The following TXNDC16 variants were observed in gnomAD, a reference collection of about 807,000 sequenced individuals.
The protein encoded by TXNDC16 is thioredoxin domain containing 16, also known as thioredoxin domain-containing protein 16.
In TXNDC16, 74 loss-of-function variants were observed where a neutral mutation model predicts 85.6. The observed-to-expected ratio is 0.86, with a 90% CI of 0.72 to 1.05. The LOEUF (loss-of-function observed/expected upper bound fraction) is 1.05, where lower values mean the gene tolerates loss of function less well. Ranked by LOEUF, TXNDC16 falls within the 50% of genes least tolerant of loss-of-function variation. The probability of loss-of-function intolerance (pLI) is 0.00; values close to 1 mark genes in which losing one functional copy is unlikely to be tolerated. For missense variants in TXNDC16, 959 were observed against 947.0 expected (o/e 1.01, Z -0.17); for synonymous variants, 335 against 326.5 (o/e 1.03, Z -0.28).
At chr14:52,547,228 T>G in intron 1 of TXNDC16, among the ~76,000 whole-genome samples, 1 of 152,188 alleles carries the variant, frequency 6.6e-6, no homozygotes, top group East Asian at 1.9e-4. Context: ...GGCCATATGC[T>G]CCAAAGCCAA....
chr14:52,476,112 A>G (rs2036014983), intron 14 of TXNDC16, among the ~76,000 whole-genome samples: 1 of 152,218 alleles, frequency 6.6e-6, no homozygotes, highest in African/African-American at 2.4e-5. Flanking sequence ...AGGAAGCCAC[A>G]TCCCTAGGAA....
At chr14:52,542,118 A>G (rs1302983889) in intron 4 of TXNDC16, among the ~76,000 whole-genome samples, 1 of 152,176 alleles carries the variant, frequency 6.6e-6, no homozygotes, top group Non-Finnish European at 1.5e-5. Flanking sequence ...CATGGGCCCA[A>G]TAGAATGGTT....
At chr14:52,544,195 C>T (rs2037893855) in intron 2 of TXNDC16, 69 bp downstream of exon 2, 1 of 152,052 alleles carries the variant, frequency 6.6e-6, no homozygotes, top group Admixed American at 6.6e-5. Flanking sequence ...TACTTTAATT[C>T]AATTCTATGT....
chr14:52,463,027 TCTGAA>T (rs1280288074), intron 16 of TXNDC16: 4 of 453,370 alleles, frequency 8.8e-6, no homozygotes, highest in Non-Finnish European at 1.8e-5. Flanking sequence ...CCTGCAAATT[TCTGAA>T]AGCTGAAGTT....
At chr14:52,530,442 ATATTAT>A (rs2037513702) in intron 6 of TXNDC16, among the ~76,000 whole-genome samples, 1 of 16,584 alleles carries the variant, frequency 6.0e-5, no homozygotes, top group African/African-American at 3.2e-4. Flanking sequence ...AATATATAAT[ATATTAT>A]TATATAATAA....
At chr14:52,528,339 T>G (rs1851351145) in intron 6 of TXNDC16, among the ~76,000 whole-genome samples, 1 of 152,132 alleles carries the variant, frequency 6.6e-6, no homozygotes, top group South Asian at 2.1e-4. Context: ...ACGCAGGCTT[T>G]TAGTTCATAG....
intron 8 of TXNDC16, 21 bp from the exon 9 acceptor site, chr14:52,511,411 A>C (rs1459204992): frequency 6.5e-7 from 1 of 1,527,246 alleles, no homozygotes. Flanking sequence ...AAAATTAATT[A>C]ACTTAATGAA....
chr14:52,469,768 G>GC (rs1227088246), intron 16 of TXNDC16, among the ~76,000 whole-genome samples: 1 of 151,842 alleles, frequency 6.6e-6, no homozygotes, highest in African/African-American at 2.4e-5. Context: ...CAAAAAAAAC[G>GC]CAAGATTCTA....
intron 14 of TXNDC16, 67 bp downstream of exon 14, chr14:52,482,163 G>T: frequency 1.4e-6 from 2 of 1,392,228 alleles, no homozygotes; most frequent in South Asian, 1.4e-5. Flanking sequence ...TTTTTTGCAT[G>T]ACATAGTTTT....
chr14:52,488,670 C>A (rs1211072425), intron 11 of TXNDC16, among the ~76,000 whole-genome samples, 184 bp from the exon 12 acceptor site: 1 of 151,572 alleles, frequency 6.6e-6, no homozygotes, highest in Non-Finnish European at 1.5e-5. Context: ...ACTGTCTCTA[C>A]TAAAAATACA....
chr14:52,547,154 C>T (rs1160530564), intron 1 of TXNDC16, among the ~76,000 whole-genome samples: 2 of 152,130 alleles, frequency 1.3e-5, no homozygotes, highest in African/African-American at 4.8e-5. Context: ...AATCCTTAGG[C>T]CCCCACCCGT....
At chr14:52,535,688 A>G (rs2037683718) in intron 6 of TXNDC16, among the ~76,000 whole-genome samples, 2 of 152,286 alleles carry the variant, frequency 1.3e-5, no homozygotes, top group East Asian at 1.9e-4. Context: ...TGGACCCCAG[A>G]TAGACCTAAA....
At chr14:52,464,806 G>T (rs1480108456) in intron 16 of TXNDC16, among the ~76,000 whole-genome samples, 3 of 152,062 alleles carry the variant, frequency 2.0e-5, no homozygotes, top group Non-Finnish European at 4.4e-5. Flanking sequence ...GCTGCTGCAT[G>T]GCACATGTCT....
intron 4 of TXNDC16, among the ~76,000 whole-genome samples, chr14:52,539,966 G>A (rs747935777): frequency 5.3e-5 from 8 of 151,764 alleles, no homozygotes; most frequent in East Asian, 1.9e-4. Flanking sequence ...TGTACTTTAC[G>A]TTTTTTTTCT....
rs113746978 is a variant in TXNDC16 at position 52,470,113 on chromosome 14, A to G, written c.1542T>C (p.Ser514=). 6.3e-4 allele frequency: 1,014 copies of G among 1,610,906 alleles called. 7 individuals are homozygous for G. The African/African-American group carries it at 0.011, about 18-fold the overall frequency. ...TSIQEAEEYL[S]GELYKDLILY... Reference sequence around the variant, plus strand: ...AGATGAGGTCTTTATATAATTCCCCACTTAAATATTCTTCTGCTTCTTGGA... The same window carrying G: ...AGATGAGGTCTTTATATAATTCCCCGCTTAAATATTCTTCTGCTTCTTGGA... The change falls in exon 16 of 21, where the codon AGT becomes AGC. Residue 514 remains serine, a synonymous_variant. Transcript: ENST00000281741.
chr14:52,531,226 C>A (rs1384862215), intron 6 of TXNDC16, among the ~76,000 whole-genome samples: 1 of 152,018 alleles, frequency 6.6e-6, no homozygotes, highest in Admixed American at 6.6e-5. Flanking sequence ...GGTGGGAATG[C>A]GAAATGGTAC....
At chr14:52,435,065 T>C (rs2034994486) in intron 20 of TXNDC16, among the ~76,000 whole-genome samples, 1 of 152,182 alleles carries the variant, frequency 6.6e-6, no homozygotes, top group Non-Finnish European at 1.5e-5. Context: ...GATAATACAT[T>C]AGAGTTTATA....
chr14:52,443,393 C>T (rs918887015), intron 18 of TXNDC16, among the ~76,000 whole-genome samples: 14 of 152,158 alleles, frequency 9.2e-5, no homozygotes, highest in Non-Finnish European at 2.9e-5. Context: ...ACTTAATAAA[C>T]TCCCTTTTAT....
chr14:52,529,057 G>A (rs550843495), intron 6 of TXNDC16, among the ~76,000 whole-genome samples: 1 of 148,052 alleles, frequency 6.8e-6, no homozygotes, highest in South Asian at 2.1e-4. Flanking sequence ...CTATTATATA[G>A]CAATGACTTG....
Sources: allele counts gnomAD v4.1 joint callset (sites outside exome capture counted in the v4.1 genomes callset), GRCh38; gene constraint gnomAD v4.1.1; transcripts MANE v1.5; gene names NCBI Gene and HGNC (gene_info 2026-07-23, HGNC 2026-07-21).